TERB2: variants seen among roughly 807,000 people sequenced by gnomAD.
TERB2 encodes the protein telomere repeat binding bouquet formation protein 2, also known as telomere repeats-binding bouquet formation protein 2.
TERB2 carries 26 observed loss-of-function variants against 29.8 expected under a neutral mutation model. The ratio of observed to expected loss-of-function variants is 0.87; its 90% CI spans 0.64 to 1.21. TERB2 has a LOEUF of 1.21. TERB2 is among the 50% of genes most tolerant of loss of function. The probability of loss-of-function intolerance (pLI) is 0.00; values close to 1 mark genes in which losing one functional copy is unlikely to be tolerated. For missense variants in TERB2, 240 were observed against 268.6 expected (o/e 0.89, Z 0.74); for synonymous variants, 80 against 90.8 (o/e 0.88, Z 0.68).
At chr15:44,973,754 A>G (rs1831559282) in intron 5 of TERB2, 113 bp from the exon 6 acceptor site, 2 of 758,146 alleles carry the variant, frequency 2.6e-6, no homozygotes, top group Non-Finnish European at 3.3e-6. Flanking sequence ...ACTATAGTAA[A>G]GGTAATTATG....
chr15:44,964,974 C>A (rs1891859778), intron 4 of TERB2, among the ~76,000 whole-genome samples: 1 of 151,644 alleles, frequency 6.6e-6, no homozygotes, highest in Admixed American at 6.6e-5. Flanking sequence ...CCAACCTGGG[C>A]AACATGGCAA....
chr15:44,963,385 A>C (rs1891836459), intron 4 of TERB2, among the ~76,000 whole-genome samples: 1 of 152,200 alleles, frequency 6.6e-6, no homozygotes, highest in African/African-American at 2.4e-5. Flanking sequence ...TTATGAGTTA[A>C]CATTCAGACA....
chr15:44,966,339 TGAGA>T, intron 5 of TERB2, 96 bp downstream of exon 5: 1 of 618,982 alleles, frequency 1.6e-6, no homozygotes, highest in Non-Finnish European at 2.4e-6. Context: ...AGTTTTCCTA[TGAGA>T]TAGATAGCAT....
chr15:44,970,190 A>G (rs1269868238), intron 5 of TERB2: 2 of 160,876 alleles, frequency 1.2e-5, no homozygotes, highest in East Asian at 1.7e-4. Context: ...AATTTCTGCC[A>G]TAAGAGTGTG....
At chr15:44,963,281 G>A (rs1472184786) in intron 4 of TERB2, among the ~76,000 whole-genome samples, 1 of 152,130 alleles carries the variant, frequency 6.6e-6, no homozygotes, top group Non-Finnish European at 1.5e-5. Context: ...CAATATTGGA[G>A]CAACCTTTCA....
intron 4 of TERB2, chr15:44,962,758 T>A (rs187012074): frequency 3.3e-4 from 51 of 152,250 alleles, no homozygotes; most frequent in Non-Finnish European, 5.6e-4. Flanking sequence ...ATAGCCAAAT[T>A]TGGGAACAAT....
At position 44,958,518 on chromosome 15, in the gene TERB2, C is replaced by A. The variant is rs532558183; in HGVS notation, c.286+6C>A. The A allele has an allele frequency of 3.1e-6, 5 of 1,603,326 alleles. No homozygotes were observed. The East Asian group carries it at 1.1e-4, about 36-fold the overall frequency. On this transcript the variant is annotated splice_donor_region_variant and intron_variant, in intron 3 of 6. Transcript: ENST00000340827. ...TCCTGCGTGCCTGCAAAAAGGTTAG[C>A]AAAGATCATTCAGCCAATCCCTGTC...
chr15:44,973,750 G>A lies in TERB2; in HGVS notation c.435-117G>A, dbSNP rs58953015. The A allele has an allele frequency of 4.6e-3, 3,457 of 745,440 alleles. 85 individuals carry two copies. In the African/African-American group the frequency reaches 0.058, roughly 13 times the overall value. 46.2% of individuals were successfully genotyped at this position (745,440 alleles called of 1,614,324 possible). ...TACATATGTGGTATAGTATACTATA[G>A]TAAAGGTAATTATGTATTATAAATA... On this transcript the variant is annotated intron_variant, in intron 5 of 6. Transcript: ENST00000340827.
chr15:44,969,361 G>C (rs544271712), intron 5 of TERB2, among the ~76,000 whole-genome samples: 19 of 152,100 alleles, frequency 1.2e-4, no homozygotes, highest in Non-Finnish European at 1.3e-4. Context: ...ACCCTCCTAG[G>C]CCTCCCAAAG....
At chr15:44,976,758 C>T (rs1201871582) in intron 6 of TERB2, among the ~76,000 whole-genome samples, 1 of 152,104 alleles carries the variant, frequency 6.6e-6, no homozygotes, top group Non-Finnish European at 1.5e-5. Flanking sequence ...CTGGATAACA[C>T]AGGAACAGAC....
intron 6 of TERB2, among the ~76,000 whole-genome samples, chr15:44,978,091 A>C (rs1892071564): frequency 6.6e-6 from 1 of 152,182 alleles, no homozygotes; most frequent in Admixed American, 6.6e-5. Flanking sequence ...TGCCTGCTGG[A>C]ACAGGGAAGA....
chr15:44,956,792 T>C lies in TERB2; in HGVS notation c.64+10T>C, dbSNP rs966358513. The C allele has an allele frequency of 1.7e-5, 27 of 1,613,816 alleles. No individual in the cohort carries two copies. In the East Asian group the frequency reaches 6.0e-4, roughly 36 times the overall value. On this transcript the variant is annotated intron_variant, in intron 1 of 6. Coordinates refer to ENST00000340827, the MANE Select transcript of TERB2 (RefSeq NM_152448.3). ...CTGAGGCAATTCTGGGGTAGGAAGC[T>C]GAGTGGAAGCAGCGGGTTAGGTGGT... is the stretch of plus-strand genomic sequence containing the variant.
At chr15:44,968,243 T>A (rs1891916433) in intron 5 of TERB2, among the ~76,000 whole-genome samples, 1 of 151,974 alleles carries the variant, frequency 6.6e-6, no homozygotes, top group Non-Finnish European at 1.5e-5. Context: ...TGAGACAGAA[T>A]CTTAGTCTGT....
chr15:44,971,504 C>T (rs953806191), intron 5 of TERB2, among the ~76,000 whole-genome samples: 2 of 152,060 alleles, frequency 1.3e-5, no homozygotes, highest in African/African-American at 4.8e-5. Flanking sequence ...GCCTGTAATC[C>T]CAGCACTTTG....
At chr15:44,965,978 G>A (rs1829682746) in intron 4 of TERB2, among the ~76,000 whole-genome samples, 180 bp from the exon 5 acceptor site, 1 of 152,038 alleles carries the variant, frequency 6.6e-6, no homozygotes. Flanking sequence ...TTATATGTGT[G>A]TGTGGAAAAA....
At position 44,958,428 on chromosome 15, in the gene TERB2, T is replaced by A; in HGVS notation, c.202T>A (p.Tyr68Asn). 4 of 1,614,166 alleles carry A rather than the reference T, an allele frequency of 2.5e-6. No homozygotes were observed. Among genetic ancestry groups the A allele is most frequent in the Non-Finnish European group, 3.4e-6 (4 of 1,180,024 alleles). Residue 68 changes from tyrosine (Y) to asparagine (N), a missense_variant, in exon 3 of 7, where the codon TAT becomes AAT. Transcript: ENST00000340827. Reference protein sequence around the residue: ...EDNATVFHAYYLSAVANAKIK... With the variant: ...EDNATVFHAYNLSAVANAKIK... ...TAATGCTACAGTTTTTCATGCCTAC[T>A]ATCTCTCTGCGGTAGCTAATGCCAA...
Position 44,956,986 on chromosome 15 carries a change from G to A in TERB2, c.146+9G>A, listed in dbSNP as rs751559335. 6.2e-7 allele frequency: 1 copy of A among 1,610,562 alleles called. No individual in the cohort carries two copies. The highest frequency in any genetic ancestry group is 1.3e-5 in the African/African-American group (1 of 74,932). ...CACCCAGACACGCTGAGGTACTGAGGGCGACCTGGCAGTGCCTCTTATGTT... is the reference window on the plus strand; with the variant it reads ...CACCCAGACACGCTGAGGTACTGAGAGCGACCTGGCAGTGCCTCTTATGTT... On this transcript the variant is annotated intron_variant, in intron 2 of 6. Transcript: ENST00000340827.
At chr15:44,958,835 A>G (rs1413781525) in intron 3 of TERB2, among the ~76,000 whole-genome samples, 1 of 152,178 alleles carries the variant, frequency 6.6e-6, no homozygotes, top group Non-Finnish European at 1.5e-5. Flanking sequence ...AATGCTTACT[A>G]GTTTTGTGAT....
chr15:44,965,806 C>T (rs554504163), intron 4 of TERB2, among the ~76,000 whole-genome samples: 1 of 151,418 alleles, frequency 6.6e-6, no homozygotes, highest in East Asian at 1.9e-4. Context: ...TTTTTTGTTT[C>T]CTTATTTTTG....
Sources: allele counts gnomAD v4.1 joint callset (sites outside exome capture counted in the v4.1 genomes callset), GRCh38; gene constraint gnomAD v4.1.1; transcripts MANE v1.5; gene names NCBI Gene and HGNC (gene_info 2026-07-23, HGNC 2026-07-21).